UVRAG: variants seen among roughly 807,000 people sequenced by gnomAD.
UVRAG encodes UV radiation resistance associated.
Under a neutral mutation model 78.0 loss-of-function variants are expected in UVRAG, and 19 were observed. The ratio of observed to expected loss-of-function variants is 0.24; its 90% CI spans 0.17 to 0.36. The LOEUF (loss-of-function observed/expected upper bound fraction) is 0.36. Among genes scored for constraint, UVRAG ranks in the 10% least tolerant of loss-of-function variants. The pLI is 1.00. For missense variants in UVRAG, 740 were observed against 853.8 expected (o/e 0.87, Z 1.66); for synonymous variants, 323 against 324.6 (o/e 1.00, Z 0.05).
intron 1 of UVRAG, among the ~76,000 whole-genome samples, chr11:75,832,318 TCGCAGGC>T (rs1248360597): frequency 5.9e-5 from 9 of 152,214 alleles, no homozygotes; most frequent in Non-Finnish European, 1.0e-4. Context: ...CAAGTCCCGG[TCGCAGGC>T]CTCCTGTACT....
intron 3 of UVRAG, among the ~76,000 whole-genome samples, chr11:75,873,691 C>T (rs184958039): frequency 7.4e-4 from 113 of 152,288 alleles, no homozygotes; most frequent in Non-Finnish European, 1.2e-3. Flanking sequence ...AGGAAGCCCT[C>T]ATTTTGTCTC....
At chr11:76,062,577 T>G (rs970354004) in intron 12 of UVRAG, among the ~76,000 whole-genome samples, 1 of 152,188 alleles carries the variant, frequency 6.6e-6, no homozygotes, top group Admixed American at 6.5e-5. Flanking sequence ...GACAAACACC[T>G]CTGGTTCCTT....
At chr11:75,906,495 G>T (rs1322711580) in intron 5 of UVRAG, among the ~76,000 whole-genome samples, 1 of 151,932 alleles carries the variant, frequency 6.6e-6, no homozygotes, top group African/African-American at 2.4e-5. Flanking sequence ...TTACAAGCGC[G>T]TGCCATCATG....
rs144071884 is a variant in UVRAG, at chr11:76,112,212, A to G, written c.1306-3712A>G. 2.3e-3 allele frequency among the ~76,000 whole-genome samples: 344 copies of G among 152,296 alleles called. 3 individuals carry two copies. The highest frequency in any genetic ancestry group is 7.7e-3 in the African/African-American group (318 of 41,548). On this transcript the variant is annotated intron_variant, in intron 13 of 14. Transcript: ENST00000356136. The stretch of plus-strand genomic sequence containing the variant: ...CTTCCAGAGAGAAGAATCAACTTAC[A>G]TTCAAAGGATCAGGAACCAGCATGT...
chr11:76,116,117 T>C, intron 14 of UVRAG, 102 bp downstream of exon 14: 1 of 1,112,342 alleles, frequency 9.0e-7, no homozygotes, highest in Non-Finnish European at 1.3e-6. Context: ...CTGAGTTTTC[T>C]TCTGTAATGA....
chr11:75,897,413 T>C (rs1000678506), intron 5 of UVRAG, among the ~76,000 whole-genome samples: 1 of 152,180 alleles, frequency 6.6e-6, no homozygotes, highest in Non-Finnish European at 1.5e-5. Flanking sequence ...AACACTCTTA[T>C]TTTGTAGATG....
At chr11:75,871,874 C>G (rs1015206428) in intron 3 of UVRAG, among the ~76,000 whole-genome samples, 2 of 152,090 alleles carry the variant, frequency 1.3e-5, no homozygotes, top group East Asian at 3.9e-4. Flanking sequence ...CAAGTTTTAG[C>G]CATTCTGGTG....
chr11:75,980,174 G>T (rs765150334), intron 7 of UVRAG: 29 of 149,052 alleles, frequency 1.9e-4, no homozygotes, highest in Non-Finnish European at 2.4e-4. Flanking sequence ...TTGTTTGTTT[G>T]TTTTTTGAGA....
chr11:75,882,871 A>G (rs1946982653), intron 4 of UVRAG, among the ~76,000 whole-genome samples: 1 of 152,080 alleles, frequency 6.6e-6, no homozygotes, highest in Non-Finnish European at 1.5e-5. Flanking sequence ...TACATTCTAA[A>G]CTACAATTTA....
At chr11:76,012,867 G>A (rs972105710) in intron 11 of UVRAG, 2 of 149,416 alleles carry the variant, frequency 1.3e-5, no homozygotes, top group South Asian at 2.2e-4. Flanking sequence ...TCCATAACAC[G>A]AGAGCCTTTT....
intron 3 of UVRAG, among the ~76,000 whole-genome samples, chr11:75,878,916 AGG>A (rs1946877491): frequency 2.8e-5 from 2 of 72,388 alleles, no homozygotes; most frequent in Non-Finnish European, 6.7e-5. Flanking sequence ...GGGGAGGGGG[AGG>A]GAGAGGGAGA....
rs1389971942 is a variant in UVRAG at position 75,961,436 on chromosome 11, A to G, written c.594-8A>G. 6.3e-7 allele frequency: 1 copy of G among 1,580,350 alleles called. No homozygotes were observed. The highest frequency in any genetic ancestry group is 2.0e-5 in the Admixed American group (1 of 48,856). ...TCATTTACATTTTTCTATAACTTAT[A>G]TTTCTAGGCTTCATAGAGCCCAGTG... On this transcript the variant is annotated splice_polypyrimidine_tract_variant and splice_region_variant and intron_variant, in intron 6 of 14. Coordinates refer to ENST00000356136, the MANE Select transcript of UVRAG (RefSeq NM_003369.4).
At chr11:75,875,475 T>G (rs1163235546) in intron 3 of UVRAG, among the ~76,000 whole-genome samples, 2 of 152,092 alleles carry the variant, frequency 1.3e-5, no homozygotes, top group African/African-American at 4.8e-5. Context: ...AATTAGTTTT[T>G]TTTTTTTTTT....
At position 75,911,986 on chromosome 11, in the gene UVRAG, G is replaced by A; in HGVS notation, c.540G>A (p.Leu180=). 6.2e-7 allele frequency: 1 copy of A among 1,613,480 alleles called. No individual in the cohort carries two copies. The highest frequency in any genetic ancestry group is 8.5e-7 in the Non-Finnish European group (1 of 1,179,688). Residue 180 remains leucine (L), a synonymous_variant, in exon 6 of 15, where the codon CTG becomes CTA. Coordinates refer to ENST00000356136, the MANE Select transcript of UVRAG (RefSeq NM_003369.4). The part of the protein sequence containing the change: ...GYSNAQKTIL[L]QVDQNCVRNS... ...CAAATGCTCAGAAGACTATTCTTCTGCAGGTGGATCAGAACTGTGTTCGCA... is the reference window on the plus strand; with the variant it reads ...CAAATGCTCAGAAGACTATTCTTCTACAGGTGGATCAGAACTGTGTTCGCA...
At chr11:75,858,435 C>T (rs1027228893) in intron 2 of UVRAG, among the ~76,000 whole-genome samples, 7 of 152,130 alleles carry the variant, frequency 4.6e-5, no homozygotes, top group South Asian at 4.1e-4. Flanking sequence ...GGTTCATAGA[C>T]AGCATCCCTG....
intron 13 of UVRAG, among the ~76,000 whole-genome samples, chr11:76,077,806 G>C (rs1277025578): frequency 6.6e-6 from 1 of 152,124 alleles, no homozygotes; most frequent in Non-Finnish European, 1.5e-5. Context: ...TTACATAACA[G>C]GCTTCCCTTT....
At chr11:75,818,460 G>A (rs17134361) in intron 1 of UVRAG, among the ~76,000 whole-genome samples, 5,612 of 150,988 alleles carry the variant, frequency 0.037, 327 homozygotes, top group African/African-American at 0.12. Flanking sequence ...AATACATCCC[G>A]TACTAGTTGG....
At chr11:75,922,518 A>G (rs1947999719) in intron 6 of UVRAG, among the ~76,000 whole-genome samples, 1 of 152,194 alleles carries the variant, frequency 6.6e-6, no homozygotes, top group Non-Finnish European at 1.5e-5. Flanking sequence ...CTGATTTTCT[A>G]GACTTACTGC....
At chr11:76,126,625 A>G (rs11236618) in intron 14 of UVRAG, among the ~76,000 whole-genome samples, 17,577 of 152,226 alleles carry the variant, frequency 0.12, 1,383 homozygotes, top group East Asian at 0.29. Context: ...TAGATTTACT[A>G]TAACAATATA....
Sources: gnomAD v4.1 joint callset for allele counts (sites outside exome capture counted in the v4.1 genomes callset) on GRCh38, gnomAD v4.1.1 for gene constraint, MANE v1.5 for transcripts, NCBI Gene and HGNC (gene_info 2026-07-23, HGNC 2026-07-21) for gene names.